The following BST1 variants were observed in gnomAD, a reference collection of about 807,000 sequenced individuals.
BST1 encodes the protein bone marrow stromal cell antigen 1.
In BST1, 49 loss-of-function variants were observed where a neutral mutation model predicts 40.6. That is an observed-to-expected ratio of 1.21 (90% CI 0.96 to 1.53). BST1 has a LOEUF of 1.53. Ranked by LOEUF, BST1 falls within the 40% of genes most tolerant of loss-of-function variation. The pLI is 0.00. For missense variants in BST1, 423 were observed against 395.9 expected (o/e 1.07, Z -0.58); for synonymous variants, 157 against 159.3 (o/e 0.99, Z 0.11).
intron 1 of BST1, among the ~76,000 whole-genome samples, chr4:15,704,430 TTG>T (rs1719762629): frequency 4.3e-5 from 5 of 116,292 alleles, no homozygotes; most frequent in Admixed American, 8.8e-5. Flanking sequence ...TAGAGGTGAG[TTG>T]TGTGTGTGTT....
At chr4:15,768,579 C>T in the BST1 span, among the ~76,000 whole-genome samples, 15 of 151,418 alleles carry the variant, frequency 9.9e-5, no homozygotes, top group Admixed American at 5.3e-4. Context: ...CTGCAAGCTC[C>T]GCTTCCCGGG....
At position 15,707,760 on chromosome 4, in the gene BST1, CTGAGA is replaced by C. The variant is rs971769204; in HGVS notation, c.451+116_451+120del. 1.1e-4 allele frequency: 142 copies of C among 1,313,086 alleles called. 1 individual carries two copies. In the Admixed American group the frequency reaches 3.3e-3, roughly 30 times the overall value. The allele number at this position is 1,313,086 out of a possible 1,614,324, so 81.3% of individuals were successfully genotyped here. On this transcript the variant is annotated intron_variant, in intron 3 of 8. Coordinates refer to ENST00000265016, the MANE Select transcript of BST1 (RefSeq NM_004334.3). The stretch of plus-strand genomic sequence containing the variant: ...TTTCACTTGATCCTCTCCAAGTCCT[CTGAGA>C]TAAGTGGCAAGAATAGTTAATAATA...
At chr4:15,751,223 G>T in the BST1 span, among the ~76,000 whole-genome samples, 2 of 152,158 alleles carry the variant, frequency 1.3e-5, no homozygotes, top group Non-Finnish European at 2.9e-5. Context: ...CAAGAGTGGG[G>T]TTTTACAAGG....
chr4:15,708,539 T>C (rs139289201), intron 3 of BST1, among the ~76,000 whole-genome samples: 202 of 152,286 alleles, frequency 1.3e-3, no homozygotes, highest in Non-Finnish European at 1.1e-3. Context: ...GTTTCCATTA[T>C]GAAGACTGGA....
At chr4:15,711,966 G>A in intron 4 of BST1, 77 bp downstream of exon 4, 3 of 1,299,772 alleles carry the variant, frequency 2.3e-6, no homozygotes, top group South Asian at 2.4e-5. Flanking sequence ...TCAGAGTCTG[G>A]GCCCCAGGTC....
At chr4:15,736,139 A>T (rs1250863472), downstream of BST1, 1 of 1,287,462 alleles carries the variant, frequency 7.8e-7, no homozygotes, top group South Asian at 1.2e-5. Context: ...AAGGTAAATC[A>T]TGGGTTTCAA....
In BST1 at chr4:15,732,053, G is replaced by A. The variant is rs1721397923; in HGVS notation, c.*208G>A. On this transcript the variant is annotated 3_prime_UTR_variant, in exon 9 of 9. Coordinates refer to ENST00000265016, the MANE Select transcript of BST1 (RefSeq NM_004334.3). ...TCTATTTAGCAGGTTAAAAAATGCT[G>A]CATTAGAATTAAAGCAAGTTATTTT... 7.9e-7 allele frequency: 1 copy of A among 1,259,974 alleles called. No individual in the cohort carries two copies. Among genetic ancestry groups the A allele is most frequent in the Non-Finnish European group, 1.0e-6 (1 of 1,002,776 alleles). The allele number at this position is 1,259,974 out of a possible 1,614,324, so 78.0% of individuals were successfully genotyped here.
At chr4:15,724,368 A>T (rs1287194232) in intron 8 of BST1, among the ~76,000 whole-genome samples, 1 of 152,234 alleles carries the variant, frequency 6.6e-6, no homozygotes, top group Non-Finnish European at 1.5e-5. Context: ...ATAAAATAGT[A>T]TGTTTATCTG....
the BST1 span, among the ~76,000 whole-genome samples, chr4:15,749,858 T>C: frequency 6.6e-6 from 1 of 152,176 alleles, no homozygotes; most frequent in African/African-American, 2.4e-5. Context: ...TGTAAATTAT[T>C]TTAAAATACA....
chr4:15,706,244 G>A (rs1719876864), intron 2 of BST1, among the ~76,000 whole-genome samples: 1 of 152,168 alleles, frequency 6.6e-6, no homozygotes, highest in South Asian at 2.1e-4. Context: ...AATTTCCTAA[G>A]TTAGCAAGTT....
intron 8 of BST1, chr4:15,723,589 C>T: frequency 1.0e-6 from 1 of 985,334 alleles, no homozygotes; most frequent in Non-Finnish European, 1.2e-6. Flanking sequence ...CATGGGCTGG[C>T]TTGGTTGTAT....
At chr4:15,712,410 G>A (rs926131719) in intron 4 of BST1, among the ~76,000 whole-genome samples, 13 of 152,296 alleles carry the variant, frequency 8.5e-5, no homozygotes, top group Middle Eastern at 6.8e-3. Flanking sequence ...ACAGCTATCT[G>A]TAGCTATAAC....
chr4:15,762,895 G>A, the BST1 span, among the ~76,000 whole-genome samples: 13 of 151,840 alleles, frequency 8.6e-5, no homozygotes, highest in Admixed American at 3.3e-4. Context: ...CTTTTTTATG[G>A]CTGAGTAATA....
At chr4:15,770,925 G>T in the BST1 span, among the ~76,000 whole-genome samples, 1 of 152,222 alleles carries the variant, frequency 6.6e-6, no homozygotes, top group East Asian at 1.9e-4. Flanking sequence ...GTCCTTCAGA[G>T]AAGCTTTACT....
rs1284759757 is a variant in BST1 at position 15,705,635 on chromosome 4, A to C, written c.309A>C (p.Arg103Ser). The C allele has an allele frequency of 1.2e-6, 2 of 1,613,928 alleles. No homozygotes were observed. The highest frequency in any genetic ancestry group is 2.7e-5 in the African/African-American group (2 of 74,906). ...FINLSRHSIP[R>S]DKSLFWENSH... is the part of the protein sequence containing the mutation. Reference sequence around the variant, plus strand: ...ACTTGTCCAGGCACTCTATTCCCAGAGATAAGGTAACACCACAACCATCTT... The same window carrying C: ...ACTTGTCCAGGCACTCTATTCCCAGCGATAAGGTAACACCACAACCATCTT... The change falls in exon 2 of 9, where the codon AGA becomes AGC. Residue 103 changes from arginine to serine, a missense_variant. Physicochemically the swap from Arg to Ser is moderately radical, Grantham distance 110 (BLOSUM62 -1). Coordinates refer to ENST00000265016, the MANE Select transcript of BST1 (RefSeq NM_004334.3).
chr4:15,772,029 C>T, the BST1 span, among the ~76,000 whole-genome samples: 44 of 152,124 alleles, frequency 2.9e-4, no homozygotes, highest in Non-Finnish European at 5.4e-4. Flanking sequence ...CTCTCTCTCT[C>T]TCTGTATGCT....
chr4:15,714,801 T>C (rs1329396115), intron 4 of BST1, among the ~76,000 whole-genome samples: 3 of 152,192 alleles, frequency 2.0e-5, no homozygotes, highest in African/African-American at 7.2e-5. Flanking sequence ...GTGTGACTTT[T>C]GGGTGGAAGC....
the BST1 span, among the ~76,000 whole-genome samples, chr4:15,745,470 C>T: frequency 2.0e-5 from 3 of 152,152 alleles, no homozygotes; most frequent in African/African-American, 4.8e-5. Flanking sequence ...GCATTGCCCC[C>T]AAAATTATGT....
the BST1 span, among the ~76,000 whole-genome samples, chr4:15,749,632 G>A: frequency 6.6e-6 from 1 of 152,166 alleles, no homozygotes; most frequent in Non-Finnish European, 1.5e-5. Context: ...AGCCTGAAAG[G>A]TAGCACAGGT....
Sources: allele counts gnomAD v4.1 joint callset (sites outside exome capture counted in the v4.1 genomes callset), GRCh38; gene constraint gnomAD v4.1.1; transcripts MANE v1.5; gene names NCBI Gene and HGNC (gene_info 2026-07-23, HGNC 2026-07-21).